The following U2AF1L4 variants were observed in gnomAD, a reference collection of about 807,000 sequenced individuals.
The protein encoded by U2AF1L4 is splicing factor U2AF 26 kDa subunit.
Under a neutral mutation model 21.7 loss-of-function variants are expected in U2AF1L4, and 21 were observed. That is an observed-to-expected ratio of 0.97 (90% CI 0.69 to 1.39). U2AF1L4 has a LOEUF of 1.39. Ranked by LOEUF, U2AF1L4 falls within the 40% of genes most tolerant of loss-of-function variation. The pLI is 0.00. For synonymous variants in U2AF1L4, 92 were observed against 89.7 expected, an observed-to-expected ratio of 1.03 and a Z score of -0.15; for missense variants, 259 against 245.7, an observed-to-expected ratio of 1.05 and a Z score of -0.36.
chr19:35,745,409 A>C lies in U2AF1L4; in HGVS notation c.-18T>G, dbSNP rs376506863. On this transcript the variant is annotated 5_prime_UTR_variant, in exon 1 of 6. Coordinates refer to ENST00000378975, the MANE Select transcript of U2AF1L4 (RefSeq NM_001040425.3). ...TCAGCCATTTTTACCCAAGCCCTCC[A>C]GGTCTGGCTGCTCTTACGTCACTTC... 1 of 1,614,028 alleles carries C rather than the reference A, an allele frequency of 6.2e-7. No individual in the cohort carries two copies. Among genetic ancestry groups the C allele is most frequent in the Non-Finnish European group, 8.5e-7 (1 of 1,179,994 alleles).
Position 35,744,104 on chromosome 19 carries a change from G to C in U2AF1L4, c.273C>G (p.Leu91=), listed in dbSNP as rs758909293. 1.7e-5 allele frequency: 28 copies of C among 1,614,002 alleles called. No individual in the cohort carries two copies. The highest frequency in any genetic ancestry group is 2.4e-5 in the Non-Finnish European group (28 of 1,180,022). The change falls in exon 4 of 6, where the codon CTC becomes CTG. Residue 91 remains leucine, a synonymous_variant. Transcript: ENST00000378975. ...EEDGERAVAE[L]SNRWFNGQAV... ...CCTGCCCGTTGAACCAGCGGTTACT[G>C]AGTTCAGCCACGGCCCGCTCTCCAT...
chr19:35,744,154 A>G lies in U2AF1L4; in HGVS notation c.232-9T>C. On this transcript the variant is annotated splice_polypyrimidine_tract_variant and intron_variant, in intron 3 of 5. Transcript: ENST00000378975. ...TCCTCCTCCCTCCGGAACTGCAGGA[A>G]ATGTCAGTCAGGGTCAGCAGGAGAA... 1.2e-6 allele frequency: 2 copies of G among 1,613,318 alleles called. No homozygotes were observed. Among genetic ancestry groups the G allele is most frequent in the Non-Finnish European group, 1.7e-6 (2 of 1,179,620 alleles).
In U2AF1L4 at chr19:35,745,134, T is replaced by A. The variant is rs780308503; in HGVS notation, c.123A>T (p.Thr41=). 1 of 1,613,308 alleles carries A rather than the reference T, an allele frequency of 6.2e-7. No individual in the cohort carries two copies. Among genetic ancestry groups the A allele is most frequent in the South Asian group, 1.1e-5 (1 of 91,062 alleles). ...CCGTGCCGGGTCTCACCTGGCTGAA[T>A]GTCGGCTTGTTGTGAAGCCGGGAGC... ...DRCSRLHNKP[T]FSQEVFTELQ... The change falls in exon 2 of 6, where the codon ACA becomes ACT. Residue 41 remains threonine, a synonymous_variant. Transcript: ENST00000378975.
intron 2 of U2AF1L4, chr19:35,744,701 A>G: frequency 6.5e-7 from 1 of 1,536,046 alleles, no homozygotes; most frequent in Non-Finnish European, 8.7e-7. Context: ...GTCTGCACAG[A>G]ATTTAAAAGG....
chr19:35,743,749 C>A, intron 5 of U2AF1L4, 60 bp downstream of exon 5: 3 of 1,311,242 alleles, frequency 2.3e-6, no homozygotes, highest in South Asian at 1.2e-5. Flanking sequence ...GGGTTAGGCT[C>A]ATCTGAGGAT....
At chr19:35,743,214 A>C in intron 5 of U2AF1L4, 1 of 288,728 alleles carries the variant, frequency 3.5e-6, no homozygotes, top group South Asian at 2.8e-5. Context: ...CTCTACTAAA[A>C]ATACAAAAAT....
chr19:35,742,582 C>T lies in U2AF1L4; in HGVS notation c.*137G>A, dbSNP rs1386634865. ...TAAGACAGGGGCGGTAGAAGAAGGTCTCCATGCTGAACAGATTACATTATG... is the reference window on the plus strand; with the variant it reads ...TAAGACAGGGGCGGTAGAAGAAGGTTTCCATGCTGAACAGATTACATTATG... On this transcript the variant is annotated 3_prime_UTR_variant, in exon 6 of 6. Coordinates refer to ENST00000378975, the MANE Select transcript of U2AF1L4 (RefSeq NM_001040425.3). 4 of 1,613,778 alleles carry T rather than the reference C, an allele frequency of 2.5e-6. No homozygotes were observed. Among genetic ancestry groups the T allele is most frequent in the Non-Finnish European group, 3.4e-6 (4 of 1,180,008 alleles).
In U2AF1L4 at chr19:35,745,208, TA is replaced by T. The variant is rs1970518332; in HGVS notation, c.48del (p.Asn17ThrfsTer44). ...ASIFGTEKDK[V>X]NCSFYFKIGV... ...CCGATCTTAAAGTAAAAAGAGCAGT[TA>T]ACCCTGGAAAAGGTGCAAAGACAAA... On this transcript the variant is annotated frameshift_variant, in exon 2 of 6. Coordinates refer to ENST00000378975, the MANE Select transcript of U2AF1L4 (RefSeq NM_001040425.3). LOFTEE classifies it high-confidence loss of function. The T allele has an allele frequency of 1.2e-6, 2 of 1,613,636 alleles. No homozygotes were observed. Among genetic ancestry groups the T allele is most frequent in the Non-Finnish European group, 1.7e-6 (2 of 1,179,980 alleles).
chr19:35,742,885 G>C, intron 5 of U2AF1L4, 82 bp from the exon 6 acceptor site: 1 of 1,281,556 alleles, frequency 7.8e-7, no homozygotes, highest in Non-Finnish European at 1.1e-6. Flanking sequence ...TCTGCTCTGG[G>C]ATGAGGCAGG....
Position 35,744,377 on chromosome 19 carries a change from C to G in U2AF1L4, c.177G>C (p.Glu59Asp), listed in dbSNP as rs748121125. ...ELQEKYGEIEEMNVCDNLGDH... is the reference protein window; with the variant it reads ...ELQEKYGEIEDMNVCDNLGDH... ...CCCCAAGGTTGTCGCACACATTCAT[C>G]TCTTCAATCTCCCCATACTTCTCCT... Residue 59 changes from glutamate to aspartate, a missense_variant, in exon 3 of 6, where the codon GAG (glutamate) becomes GAC (aspartate). Physicochemically the swap from Glu to Asp is conservative, Grantham distance 45 (BLOSUM62 2). Coordinates refer to ENST00000378975, the MANE Select transcript of U2AF1L4 (RefSeq NM_001040425.3). 1.9e-6 allele frequency: 3 copies of G among 1,614,188 alleles called. No individual in the cohort carries two copies. Among genetic ancestry groups the G allele is most frequent in the Non-Finnish European group, 2.5e-6 (3 of 1,180,034 alleles).
In U2AF1L4 at chr19:35,745,300, A is replaced by ACCCCGG. The variant is rs752822921; in HGVS notation, c.44+42_44+47dup. ...CCGCCCCACCACCCAGGACCCCAGT[A>ACCCCGG]CCCCGGCCCCGACCCCCCGAGAGTC... is the stretch of plus-strand genomic sequence containing the variant. On this transcript the variant is annotated intron_variant, in intron 1 of 5. Coordinates refer to ENST00000378975, the MANE Select transcript of U2AF1L4 (RefSeq NM_001040425.3). 5.1e-5 allele frequency: 79 copies of ACCCCGG among 1,560,078 alleles called. No individual in the cohort carries two copies. The Admixed American group carries it at 6.5e-4, about 13-fold the overall frequency.
chr19:35,744,710 G>T, intron 2 of U2AF1L4: 11 of 1,536,124 alleles, frequency 7.2e-6, no homozygotes, highest in Non-Finnish European at 9.6e-6. Flanking sequence ...GAATTTAAAA[G>T]GGGCGGGGCC....
At chr19:35,744,616 C>T (rs1007028135) in intron 2 of U2AF1L4, 195 bp from the exon 3 acceptor site, 1 of 1,537,066 alleles carries the variant, frequency 6.5e-7, no homozygotes, top group African/African-American at 1.4e-5. Context: ...AGGCCTGGTC[C>T]CTTACTCACA....
chr19:35,745,224 G>T lies in U2AF1L4; in HGVS notation c.45-12C>A. On this transcript the variant is annotated splice_polypyrimidine_tract_variant and intron_variant, in intron 1 of 5. Transcript: ENST00000378975. ...AAGAGCAGTTAACCCTGGAAAAGGT[G>T]CAAAGACAAAGGTGAACCGAGGGCC... 6.2e-7 allele frequency: 1 copy of T among 1,612,802 alleles called. No individual in the cohort carries two copies.
chr19:35,743,164 G>A (rs753485704), intron 5 of U2AF1L4: 23 of 311,082 alleles, frequency 7.4e-5, no homozygotes, highest in Non-Finnish European at 1.3e-4. Flanking sequence ...CCTGAGGTCC[G>A]GAGTTCGAGA....
intron 5 of U2AF1L4, 167 bp from the exon 6 acceptor site, chr19:35,742,970 A>C (rs1450890082): frequency 1.5e-6 from 1 of 688,206 alleles, no homozygotes; most frequent in Admixed American, 2.9e-5. Context: ...GGCCAGTATC[A>C]GGGGTGGCAA....
At chr19:35,743,395 A>AAAAC in intron 5 of U2AF1L4, 1 of 219,216 alleles carries the variant, frequency 4.6e-6, no homozygotes, top group Non-Finnish European at 8.9e-6. Context: ...AAAAAAAAAA[A>AAAAC]AAAAAAAACA....
In U2AF1L4 at chr19:35,743,819, G is replaced by C; in HGVS notation, c.451C>G (p.Pro151Ala). The change falls in exon 5 of 6, where the codon CCC (proline) becomes GCC (alanine). Residue 151 changes from proline (P) to alanine (A), a missense_variant. Physicochemically the swap from Pro to Ala is conservative, Grantham distance 27. Transcript: ENST00000378975. ...NLQRQLYGRG[P>A]RRRSPPRFHT... The stretch of plus-strand genomic sequence containing the variant: ...CTGGTCCTGAGGTACCTGCGCCTGG[G>C]TCCCCGCCCATAGAGCTGCCTCTGG... 6.2e-7 allele frequency: 1 copy of C among 1,611,094 alleles called. No individual in the cohort carries two copies. Among genetic ancestry groups the C allele is most frequent in the Non-Finnish European group, 8.5e-7 (1 of 1,178,738 alleles).
chr19:35,743,983 G>C (rs1285904050), intron 4 of U2AF1L4, 29 bp downstream of exon 4: 2 of 1,610,566 alleles, frequency 1.2e-6, no homozygotes, highest in East Asian at 2.2e-5. Context: ...GGGATTCCAA[G>C]TGCCCATCCC....
Sources: allele counts gnomAD v4.1 joint callset, GRCh38; gene constraint gnomAD v4.1.1; transcripts MANE v1.5; gene names NCBI Gene and HGNC (gene_info 2026-07-23, HGNC 2026-07-21).